TNKS2: variants seen among roughly 807,000 people sequenced by gnomAD.
TNKS2 encodes the protein tankyrase 2.
TNKS2 carries 72 observed loss-of-function variants against 137.6 expected under a neutral mutation model. The observed-to-expected ratio is 0.52, with a 90% CI of 0.43 to 0.64. The LOEUF (loss-of-function observed/expected upper bound fraction) is 0.64. Ranked by LOEUF, TNKS2 falls within the 30% of genes least tolerant of loss-of-function variation. The pLI, the probability that TNKS2 is intolerant of heterozygous loss-of-function variation, is 0.00. For missense variants in TNKS2, 1,049 were observed against 1,410.2 expected (o/e 0.74, Z 4.10); for synonymous variants, 516 against 512.1 (o/e 1.01, Z -0.10).
rs1338407021 is a variant in TNKS2 at position 91,864,093 on chromosome 10, T to G, written c.*1094T>G. The stretch of plus-strand genomic sequence containing the variant: ...GTATTTATAGCCAATCTATACATCA[T>G]GGGTAAACTTAACCCAGAACTATAA... On this transcript the variant is annotated 3_prime_UTR_variant, in exon 27 of 27. Transcript: ENST00000371627. 1 of 152,326 alleles carries G rather than the reference T, an allele frequency of 6.6e-6. No individual in the cohort carries two copies. Among genetic ancestry groups the G allele is most frequent in the Non-Finnish European group, 1.5e-5 (1 of 68,038 alleles). 9.4% of individuals were successfully genotyped at this position (152,326 alleles called of 1,614,324 possible).
At position 91,806,295 on chromosome 10, in the gene TNKS2, A is replaced by G. The variant is rs537017813; in HGVS notation, c.200-6688A>G. 3.3e-5 allele frequency among the ~76,000 whole-genome samples: 5 copies of G among 152,316 alleles called. No individual in the cohort carries two copies. The East Asian group carries it at 5.8e-4, about 18-fold the overall frequency. ...TACTTCTAGTTTACTGGAAAACATA[A>G]CAGTTGTGACAGTAACACCTAACAC... On this transcript the variant is annotated intron_variant, in intron 1 of 26. Coordinates refer to ENST00000371627, the MANE Select transcript of TNKS2 (RefSeq NM_025235.4).
chr10:91,827,290 T>A, intron 8 of TNKS2, 87 bp downstream of exon 8: 1 of 1,105,396 alleles, frequency 9.0e-7, no homozygotes, highest in African/African-American at 1.6e-5. Context: ...TAGAAATGTT[T>A]AAATAATAGA....
intron 13 of TNKS2, among the ~76,000 whole-genome samples, chr10:91,839,999 C>A (rs1028529122): frequency 3.3e-5 from 5 of 152,082 alleles, no homozygotes; most frequent in South Asian, 2.1e-4. Flanking sequence ...TATATAGTAG[C>A]GGTAATGATA....
intron 1 of TNKS2, among the ~76,000 whole-genome samples, chr10:91,799,703 C>T (rs375139616): frequency 3.3e-5 from 5 of 152,190 alleles, no homozygotes; most frequent in African/African-American, 1.2e-4. Context: ...TTAAAAGAGC[C>T]ATAGATGGGA....
chr10:91,819,194 A>T (rs541149813), intron 3 of TNKS2, 76 bp from the exon 4 acceptor site: 1 of 821,316 alleles, frequency 1.2e-6, no homozygotes, highest in Non-Finnish European at 1.8e-6. Context: ...TTTATAATTC[A>T]TTGGGCATCT....
At chr10:91,807,686 C>T (rs1378833725) in intron 1 of TNKS2, among the ~76,000 whole-genome samples, 1 of 152,160 alleles carries the variant, frequency 6.6e-6, no homozygotes, top group African/African-American at 2.4e-5. Flanking sequence ...TGGCTCTTGT[C>T]CTTCATGGAA....
intron 25 of TNKS2, among the ~76,000 whole-genome samples, chr10:91,861,197 G>GT (rs900656558): frequency 6.6e-6 from 1 of 152,132 alleles, no homozygotes; most frequent in African/African-American, 2.4e-5. Context: ...AATTGAGTGG[G>GT]TATCAGCCAG....
intron 21 of TNKS2, 109 bp from the exon 22 acceptor site, chr10:91,854,920 A>C: frequency 1.6e-6 from 1 of 610,040 alleles, no homozygotes; most frequent in South Asian, 2.0e-5. Flanking sequence ...AAAAAGTTTA[A>C]AAAAAAAAAT....
chr10:91,820,659 T>C (rs1212526335), intron 6 of TNKS2, among the ~76,000 whole-genome samples: 1 of 152,174 alleles, frequency 6.6e-6, no homozygotes, highest in Non-Finnish European at 1.5e-5. Context: ...AAGGGGATGA[T>C]TATTCTAAAA....
In TNKS2 at chr10:91,848,368, T is replaced by C. The variant is rs752220328; in HGVS notation, c.2359-15T>C. On this transcript the variant is annotated splice_polypyrimidine_tract_variant and intron_variant, in intron 18 of 26. Transcript: ENST00000371627. ...ACTTGCTTATGGCAGATGTTGTCTC[T>C]GACACGTACCCTAGGCGGATGATGT... 14 of 1,607,520 alleles carry C rather than the reference T, an allele frequency of 8.7e-6. No individual in the cohort carries two copies. Among genetic ancestry groups the C allele is most frequent in the Admixed American group, 6.8e-5 (4 of 58,778 alleles).
At chr10:91,833,827 A>C (rs1185869632) in intron 11 of TNKS2, 26 bp from the exon 12 acceptor site, 1 of 1,542,660 alleles carries the variant, frequency 6.5e-7, no homozygotes. Flanking sequence ...TTGCGGGCTA[A>C]TTTCAATTTT....
intron 21 of TNKS2, among the ~76,000 whole-genome samples, chr10:91,853,426 T>A (rs78568558): frequency 0.045 from 6,874 of 152,328 alleles, 224 homozygotes; most frequent in Non-Finnish European, 0.067. Flanking sequence ...CTTCTTTATG[T>A]TCATTCAAAG....
At chr10:91,845,296 G>A (rs759822816) in intron 17 of TNKS2, among the ~76,000 whole-genome samples, 1 of 152,048 alleles carries the variant, frequency 6.6e-6, no homozygotes, top group East Asian at 1.9e-4. Flanking sequence ...TTATTTGTTG[G>A]TACCCAGAAA....
intron 1 of TNKS2, among the ~76,000 whole-genome samples, chr10:91,812,474 AC>A (rs1376750802): frequency 6.6e-6 from 1 of 152,202 alleles, no homozygotes; most frequent in Non-Finnish European, 1.5e-5. Flanking sequence ...CACTACATAG[AC>A]AAATATTAGC....
intron 19 of TNKS2, 141 bp downstream of exon 19, chr10:91,848,776 C>A (rs775956881): frequency 1.7e-5 from 15 of 891,750 alleles, no homozygotes; most frequent in Non-Finnish European, 2.4e-5. Flanking sequence ...AAGGTTTAAC[C>A]TTGTATTACT....
Position 91,831,139 on chromosome 10 carries a change from T to C in TNKS2, c.1233T>C (p.Ala411=). The part of the protein sequence containing the change: ...LTPLHVASEK[A]HNDVVEVVVK... ...CTCTGCACGTGGCATCTGAGAAAGC[T>C]CATAATGATGTTGTTGAAGTAGTGG... Residue 411 remains alanine, a synonymous_variant, in exon 11 of 27, where the codon GCT becomes GCC. Coordinates refer to ENST00000371627, the MANE Select transcript of TNKS2 (RefSeq NM_025235.4). The C allele has an allele frequency of 2.5e-6, 4 of 1,614,032 alleles. No individual in the cohort carries two copies. Among genetic ancestry groups the C allele is most frequent in the Non-Finnish European group, 3.4e-6 (4 of 1,179,942 alleles).
At chr10:91,803,534 T>C (rs905926678) in intron 1 of TNKS2, among the ~76,000 whole-genome samples, 1 of 152,156 alleles carries the variant, frequency 6.6e-6, no homozygotes, top group African/African-American at 2.4e-5. Flanking sequence ...TCCTAGCTAC[T>C]TGGGAGGCTA....
chr10:91,838,551 G>A (rs1239743092), intron 13 of TNKS2, among the ~76,000 whole-genome samples: 3 of 152,154 alleles, frequency 2.0e-5, no homozygotes, highest in Admixed American at 1.3e-4. Context: ...AAACTGACAG[G>A]TAAAGAGTAG....
chr10:91,858,732 G>C (rs1333128967), intron 24 of TNKS2, among the ~76,000 whole-genome samples: 4 of 152,194 alleles, frequency 2.6e-5, no homozygotes, highest in Non-Finnish European at 5.9e-5. Context: ...AGTTGGGCCG[G>C]GTGCGGTGGC....
Sources: allele counts gnomAD v4.1 joint callset (sites outside exome capture counted in the v4.1 genomes callset), GRCh38; gene constraint gnomAD v4.1.1; transcripts MANE v1.5; gene names NCBI Gene and HGNC (gene_info 2026-07-23, HGNC 2026-07-21).